INVS: variants seen among roughly 807,000 people sequenced by gnomAD.
INVS encodes the protein inversion of embryo turning homolog.
In INVS, 86 loss-of-function variants were observed where a neutral mutation model predicts 108.8. The ratio of observed to expected loss-of-function variants is 0.79; its 90% CI spans 0.66 to 0.95. The LOEUF is 0.95. INVS is among the 40% of genes least tolerant of loss of function. The pLI, the probability that INVS is intolerant of heterozygous loss-of-function variation, is 0.00. For synonymous variants in INVS, 455 were observed against 473.5 expected, an observed-to-expected ratio of 0.96 and a Z score of 0.51; for missense variants, 1,169 against 1,297.4, an observed-to-expected ratio of 0.90 and a Z score of 1.52.
chr9:100,272,812 C>T, intron 11 of INVS, 52 bp from the exon 12 acceptor site: 1 of 1,495,326 alleles, frequency 6.7e-7, no homozygotes, highest in Non-Finnish European at 9.3e-7. Flanking sequence ...TTAACTGTGC[C>T]TTAAATTACA....
chr9:100,297,703 A>C (rs1439389844), intron 15 of INVS, among the ~76,000 whole-genome samples: 1 of 152,210 alleles, frequency 6.6e-6, no homozygotes, highest in Admixed American at 6.5e-5. Context: ...GGCTCAAGAG[A>C]AAAAAAGATA....
At position 100,273,057 on chromosome 9, in the gene INVS, A is replaced by C. The variant is rs1000182521; in HGVS notation, c.1765A>C (p.Arg589=). ...TCTCCTCATGAAGCATGAACAGTTG[A>C]GAAAAGATGCTGCTGCCAAGTAAGT... is the stretch of plus-strand genomic sequence containing the variant. The part of the protein sequence containing the change: ...KNLLMKHEQL[R]KDAAAKKREE... The change falls in exon 12 of 17, where the codon AGA becomes CGA. Residue 589 remains arginine, a synonymous_variant. Coordinates refer to ENST00000262457, the MANE Select transcript of INVS (RefSeq NM_014425.5). 3 of 1,613,896 alleles carry C rather than the reference A, an allele frequency of 1.9e-6. No individual in the cohort carries two copies. Among genetic ancestry groups the C allele is most frequent in the Non-Finnish European group, 2.5e-6 (3 of 1,179,950 alleles).
intron 3 of INVS, among the ~76,000 whole-genome samples, chr9:100,210,667 T>C (rs1830804664): frequency 6.6e-6 from 1 of 152,220 alleles, no homozygotes; most frequent in African/African-American, 2.4e-5. Flanking sequence ...CCTTCCTTGC[T>C]TATAATTTTG....
At chr9:100,179,826 T>C (rs1332780231) in intron 3 of INVS, among the ~76,000 whole-genome samples, 1 of 152,146 alleles carries the variant, frequency 6.6e-6, no homozygotes, top group Non-Finnish European at 1.5e-5. Flanking sequence ...CCACCCCATA[T>C]CAACAGAATA....
At position 100,178,440 on chromosome 9, in the gene INVS, A is replaced by G. The variant is rs138220997; in HGVS notation, c.274-47622A>G. On this transcript the variant is annotated intron_variant, in intron 3 of 16. Transcript: ENST00000262457. Reference sequence around the variant, plus strand: ...TAGAATAACCAGTTTAGAGAAGAACATAAATAACCTGATGGAGCTAAAAAA... The same window carrying G: ...TAGAATAACCAGTTTAGAGAAGAACGTAAATAACCTGATGGAGCTAAAAAA... Among the ~76,000 whole-genome samples, 459 of 152,340 alleles carry G rather than the reference A, an allele frequency of 3.0e-3. 1 individual carries two copies. Among genetic ancestry groups the G allele is most frequent in the Non-Finnish European group, 4.4e-3 (300 of 68,036 alleles).
chr9:100,252,181 A>T, intron 8 of INVS, 102 bp from the exon 9 acceptor site: 1 of 1,308,960 alleles, frequency 7.6e-7, no homozygotes, highest in Middle Eastern at 1.8e-4. Context: ...GATTGCATTT[A>T]TTCAAAATGA....
At chr9:100,244,847 A>G (rs534807534) in intron 7 of INVS, among the ~76,000 whole-genome samples, 1 of 152,316 alleles carries the variant, frequency 6.6e-6, no homozygotes, top group South Asian at 2.1e-4. Flanking sequence ...AAAAAATCAC[A>G]AACTTTTACC....
At chr9:100,174,253 A>G (rs527588451) in intron 3 of INVS, among the ~76,000 whole-genome samples, 1 of 152,360 alleles carries the variant, frequency 6.6e-6, no homozygotes, top group South Asian at 2.1e-4. Flanking sequence ...GATGTCTTGC[A>G]GAAAAATAGA....
intron 11 of INVS, among the ~76,000 whole-genome samples, chr9:100,269,054 T>G (rs543845211): frequency 6.6e-6 from 1 of 152,368 alleles, no homozygotes; most frequent in South Asian, 2.1e-4. Flanking sequence ...GTATGTTGTT[T>G]GCACATTGAT....
At chr9:100,296,740 A>C (rs1345440440) in intron 14 of INVS, among the ~76,000 whole-genome samples, 177 bp from the exon 15 acceptor site, 2 of 152,234 alleles carry the variant, frequency 1.3e-5, no homozygotes, top group Non-Finnish European at 2.9e-5. Flanking sequence ...GAGGTGTTTG[A>C]TAATGGAAAA....
chr9:100,166,625 T>A (rs1829373228), intron 3 of INVS, among the ~76,000 whole-genome samples: 1 of 152,328 alleles, frequency 6.6e-6, no homozygotes, highest in Admixed American at 6.5e-5. Flanking sequence ...GAGCACCTAT[T>A]AATATTTTTA....
intron 11 of INVS, among the ~76,000 whole-genome samples, chr9:100,270,121 A>ATT (rs59857087): frequency 2.5e-4 from 37 of 150,082 alleles, no homozygotes; most frequent in Middle Eastern, 3.5e-3. Context: ...TTTTACTTCA[A>ATT]TTTTTTTTTT....
At chr9:100,206,736 T>TA (rs879603977) in intron 3 of INVS, among the ~76,000 whole-genome samples, 428 of 145,488 alleles carry the variant, frequency 2.9e-3, no homozygotes, top group Admixed American at 8.0e-3. Flanking sequence ...GTCATCTATT[T>TA]AAAAAAAAAA....
chr9:100,212,904 C>A (rs1439967341), intron 3 of INVS, among the ~76,000 whole-genome samples: 1 of 152,110 alleles, frequency 6.6e-6, no homozygotes, highest in East Asian at 1.9e-4. Context: ...AACAAAAATA[C>A]TTTAGACTGG....
At position 100,240,141 on chromosome 9, in the gene INVS, A is replaced by C. The variant is rs1831818731; in HGVS notation, c.697A>C (p.Asn233His). The C allele has an allele frequency of 6.2e-7, 1 of 1,613,864 alleles. No individual in the cohort carries two copies. The highest frequency in any genetic ancestry group is 1.1e-5 in the South Asian group (1 of 91,086). Residue 233 changes from asparagine (N) to histidine (H), a missense_variant, in exon 6 of 17, where the codon AAT becomes CAT. By Grantham distance (68) the Asn-to-His change is moderately conservative. Coordinates refer to ENST00000262457, the MANE Select transcript of INVS (RefSeq NM_014425.5). ...TCTTCACTTTGCAGTTGCTGATGGGAATGTGACCGTGGTTGATGTCTTGAC... is the reference window on the plus strand; with the variant it reads ...TCTTCACTTTGCAGTTGCTGATGGGCATGTGACCGTGGTTGATGTCTTGAC... The part of the protein sequence containing the change: ...TPLHFAVADG[N>H]VTVVDVLTSY...
chr9:100,216,840 T>G (rs929472975), intron 3 of INVS, among the ~76,000 whole-genome samples: 2 of 152,152 alleles, frequency 1.3e-5, no homozygotes, highest in African/African-American at 2.4e-5. Flanking sequence ...TTTGGGTGGC[T>G]TGCTTTAATC....
rs773498791 is a variant in INVS at position 100,292,387 on chromosome 9, C to T, written c.2130C>T (p.Gly710=). ...SACVHFRPNE[G]SDGSRHPGVP... ...GTGTCCACTTCAGACCCAATGAAGG[C>T]AGTGATGGAAGCAGGCATCCAGGAG... The change falls in exon 14 of 17, where the codon GGC becomes GGT. Residue 710 remains glycine (G), a synonymous_variant. Transcript: ENST00000262457. The T allele has an allele frequency of 1.2e-6, 2 of 1,614,134 alleles. No individual in the cohort carries two copies. The highest frequency in any genetic ancestry group is 1.1e-5 in the South Asian group (1 of 91,088).
At chr9:100,147,491 G>A (rs7872897) in intron 3 of INVS, among the ~76,000 whole-genome samples, 29,825 of 152,098 alleles carry the variant, frequency 0.2, 4,708 homozygotes, top group African/African-American at 0.44. Context: ...TTGCCTCATT[G>A]TGTTGGTGAG....
At chr9:100,243,599 C>T (rs1831948563) in intron 7 of INVS, among the ~76,000 whole-genome samples, 1 of 152,140 alleles carries the variant, frequency 6.6e-6, no homozygotes, top group Non-Finnish European at 1.5e-5. Context: ...ACTTCAGCTT[C>T]CTGAGTATGA....
Sources: allele counts gnomAD v4.1 joint callset (sites outside exome capture counted in the v4.1 genomes callset), GRCh38; gene constraint gnomAD v4.1.1; transcripts MANE v1.5; gene names NCBI Gene and HGNC (gene_info 2026-07-23, HGNC 2026-07-21).